TRPC6: variants seen among roughly 807,000 people sequenced by gnomAD.
TRPC6 encodes the protein short transient receptor potential channel 6.
In TRPC6, 55 loss-of-function variants were observed where a neutral mutation model predicts 90.7. That is an observed-to-expected ratio of 0.61 (90% CI 0.49 to 0.76). The LOEUF (loss-of-function observed/expected upper bound fraction) is 0.76. TRPC6 is among the 30% of genes least tolerant of loss of function. TRPC6 has a pLI of 0.00. For missense variants in TRPC6, 989 were observed against 1,122.7 expected, an observed-to-expected ratio of 0.88 and a Z score of 1.70; for synonymous variants, 393 against 393.0, an observed-to-expected ratio of 1.00 and a Z score of 0.00.
At position 101,583,372 on chromosome 11, in the gene TRPC6, C is replaced by T. The variant is rs773971231; in HGVS notation, c.132G>A (p.Pro44=). The T allele has an allele frequency of 3.1e-6, 5 of 1,593,402 alleles. No individual in the cohort carries two copies. The Admixed American group carries it at 5.1e-5, about 16-fold the overall frequency. Residue 44 remains proline, a synonymous_variant, in exon 1 of 13, where the codon CCG becomes CCA. Transcript: ENST00000344327. The part of the protein sequence containing the change: ...MDSELGEDGC[P]QAPLPCYGYY... ...AGCCGTAGCAAGGCAGCGGGGCTTGCGGGCAGCCGTCTTCTCCCAGCTCCG... is the reference window on the plus strand; with the variant it reads ...AGCCGTAGCAAGGCAGCGGGGCTTGTGGGCAGCCGTCTTCTCCCAGCTCCG...
At chr11:101,519,806 A>C (rs1860611117) in intron 1 of TRPC6, 1 of 153,918 alleles carries the variant, frequency 6.5e-6, no homozygotes, top group Non-Finnish European at 1.5e-5. Context: ...AAGGCCTGGC[A>C]CAATCTGATC....
chr11:101,523,713 C>A lies in TRPC6; in HGVS notation c.171-18915G>T, dbSNP rs569951043. Among the ~76,000 whole-genome samples the A allele has an allele frequency of 3.9e-5, 6 of 152,262 alleles. No homozygotes were observed. In the South Asian group the frequency reaches 1.2e-3, roughly 32 times the overall value. On this transcript the variant is annotated intron_variant, in intron 1 of 12. Coordinates refer to ENST00000344327, the MANE Select transcript of TRPC6 (RefSeq NM_004621.6). ...TACAGCAAATTGAAAAAGACTAAAC[C>A]ATTTCAGTGGTTCTACATTTGAGAT...
At chr11:101,546,696 T>C (rs953163453) in intron 1 of TRPC6, among the ~76,000 whole-genome samples, 5 of 152,122 alleles carry the variant, frequency 3.3e-5, no homozygotes, top group African/African-American at 1.2e-4. Context: ...TGGGAAGCAG[T>C]GGATTTCAAA....
At chr11:101,543,745 A>G (rs567863825) in intron 1 of TRPC6, among the ~76,000 whole-genome samples, 2 of 152,334 alleles carry the variant, frequency 1.3e-5, no homozygotes, top group South Asian at 4.1e-4. Flanking sequence ...AAGATGGATT[A>G]AAGACTTAAA....
intron 1 of TRPC6, among the ~76,000 whole-genome samples, chr11:101,547,882 G>T (rs1301545590): frequency 6.6e-6 from 1 of 152,034 alleles, no homozygotes; most frequent in Non-Finnish European, 1.5e-5. Flanking sequence ...GAATCATATA[G>T]CCAACTAAGG....
intron 6 of TRPC6, among the ~76,000 whole-genome samples, chr11:101,475,872 A>G (rs188277635): frequency 6.6e-6 from 1 of 151,338 alleles, no homozygotes; most frequent in Non-Finnish European, 1.5e-5. Flanking sequence ...ACATGTGTGT[A>G]CATATACATA....
Position 101,471,372 on chromosome 11 carries a change from C to T in TRPC6, c.2220G>A (p.Val740=). Residue 740 remains valine (V), a synonymous_variant, in exon 9 of 13, where the codon GTG becomes GTA. Transcript: ENST00000344327. The part of the protein sequence containing the change: ...SFQEIEDDAD[V]EWKFARAKLW... ...GTTTGGCCCTTGCAAATTTCCACTC[C>T]ACATCAGCGTCATCCTATACAAATA... 1.9e-6 allele frequency: 3 copies of T among 1,613,796 alleles called. No homozygotes were observed. Among genetic ancestry groups the T allele is most frequent in the Non-Finnish European group, 2.5e-6 (3 of 1,179,798 alleles).
intron 1 of TRPC6, among the ~76,000 whole-genome samples, chr11:101,552,301 G>A (rs56039948): frequency 0.028 from 4,193 of 152,136 alleles, 82 homozygotes; most frequent in Middle Eastern, 0.075. Context: ...AGAAATCAAC[G>A]TAACCCATGT....
chr11:101,468,450 T>G (rs1859203522), intron 10 of TRPC6, among the ~76,000 whole-genome samples: 1 of 152,128 alleles, frequency 6.6e-6, no homozygotes, highest in Non-Finnish European at 1.5e-5. Flanking sequence ...AAAAAAATGG[T>G]CTCCCTCCTT....
intron 1 of TRPC6, among the ~76,000 whole-genome samples, chr11:101,538,196 T>C (rs1230253948): frequency 6.6e-6 from 1 of 152,226 alleles, no homozygotes; most frequent in Non-Finnish European, 1.5e-5. Flanking sequence ...ACCTCAGTTC[T>C]GTTACCTCCT....
chr11:101,562,712 G>A (rs559247885), intron 1 of TRPC6, among the ~76,000 whole-genome samples: 1 of 152,202 alleles, frequency 6.6e-6, no homozygotes, highest in Admixed American at 6.5e-5. Context: ...GACATTGAAA[G>A]TAAGTATAAA....
At position 101,491,733 on chromosome 11, in the gene TRPC6, G is replaced by T. The variant is rs1407502671; in HGVS notation, c.951C>A (p.Asp317Glu). The T allele has an allele frequency of 3.1e-6, 5 of 1,609,466 alleles. No homozygotes were observed. The highest frequency in any genetic ancestry group is 4.2e-6 in the Non-Finnish European group (5 of 1,177,612). The change falls in exon 3 of 13, where the codon GAC (aspartate) becomes GAA (glutamate). Residue 317 changes from aspartate to glutamate, a missense_variant. This residue lies in a region of TRPC6 where 486 missense variants were observed against 591.9 expected (regional missense o/e 0.82). Coordinates refer to ENST00000344327, the MANE Select transcript of TRPC6 (RefSeq NM_004621.6). ...LANIEKEFKN[D>E]YKKLSMQCKD... ...TGCACTGCATTGACAGTTTTTTGTA[G>T]TCATTCTAGGAAAAACAAAGCAAAA... is the stretch of plus-strand genomic sequence containing the variant.
At chr11:101,569,499 A>G (rs11224865) in intron 1 of TRPC6, among the ~76,000 whole-genome samples, 57,405 of 152,004 alleles carry the variant, frequency 0.38, 11,520 homozygotes, top group Non-Finnish European at 0.46. Context: ...ACTTGAACTC[A>G]GCTCTGGACC....
At chr11:101,559,954 G>T (rs1408364389) in intron 1 of TRPC6, among the ~76,000 whole-genome samples, 1 of 151,946 alleles carries the variant, frequency 6.6e-6, no homozygotes, top group Non-Finnish European at 1.5e-5. Flanking sequence ...TCCCTACAAA[G>T]GTTTTCTTAC....
rs766225128 is a variant in TRPC6, at chr11:101,558,210, CATGTATAT to C, written c.170+25116_170+25123del. 8.0e-3 allele frequency among the ~76,000 whole-genome samples: 913 copies of C among 113,532 alleles called. 73 individuals carry two copies. The highest frequency in any genetic ancestry group is 0.015 in the African/African-American group (387 of 25,224). The allele number at this position is 113,532 out of a possible 152,430, so 74.5% of individuals were successfully genotyped here. On this transcript the variant is annotated intron_variant, in intron 1 of 12. Coordinates refer to ENST00000344327, the MANE Select transcript of TRPC6 (RefSeq NM_004621.6). ...ACATACATATATATGTGTGTGTATACATGTATATATGTATACATGTATATGGGTATACA... is the reference window on the plus strand; with the variant it reads ...ACATACATATATATGTGTGTGTATACATGTATACATGTATATGGGTATACA...
At chr11:101,478,903 C>T (rs1393645260) in intron 5 of TRPC6, among the ~76,000 whole-genome samples, 3 of 152,096 alleles carry the variant, frequency 2.0e-5, no homozygotes, top group Non-Finnish European at 2.9e-5. Flanking sequence ...AACCCACCTG[C>T]GTGCTCATTA....
chr11:101,561,983 G>A (rs1412681455), intron 1 of TRPC6, among the ~76,000 whole-genome samples: 1 of 151,850 alleles, frequency 6.6e-6, no homozygotes, highest in African/African-American at 2.4e-5. Context: ...CTAACAAATT[G>A]CCTGGGGCAC....
chr11:101,485,539 A>G (rs1859659822), intron 4 of TRPC6, among the ~76,000 whole-genome samples: 1 of 151,846 alleles, frequency 6.6e-6, no homozygotes, highest in Admixed American at 6.6e-5. Flanking sequence ...GCAAGAATCC[A>G]TATCTTTCTC....
rs780939921 is a variant in TRPC6 at position 101,504,769 on chromosome 11, C to T, written c.200G>A (p.Arg67Gln). 19 of 1,608,368 alleles carry T rather than the reference C, an allele frequency of 1.2e-5. No homozygotes were observed. The Middle Eastern group carries it at 5.0e-4, about 42-fold the overall frequency. ...FRGSDNRLAH[R>Q]RQTVLREKGR... ...CTTCTCACGGAGAACTGTCTGCCGCCGGTGAGCCAGTCTGTTGTCAGATCC... is the reference window on the plus strand; with the variant it reads ...CTTCTCACGGAGAACTGTCTGCCGCTGGTGAGCCAGTCTGTTGTCAGATCC... The change falls in exon 2 of 13, where the codon CGG (arginine) becomes CAG (glutamine). Residue 67 changes from arginine (R) to glutamine (Q), a missense_variant. Arg to Gln is a conservative substitution (Grantham distance 43, BLOSUM62 1). This residue lies in a region of TRPC6 where 194 missense variants were observed against 136.5 expected (regional missense o/e 1.42). Coordinates refer to ENST00000344327, the MANE Select transcript of TRPC6 (RefSeq NM_004621.6).
Sources: allele counts gnomAD v4.1 joint callset (sites outside exome capture counted in the v4.1 genomes callset), GRCh38; gene constraint gnomAD v4.1.1; regional missense constraint gnomAD v4.1.1; transcripts MANE v1.5; gene names NCBI Gene and HGNC (gene_info 2026-07-23, HGNC 2026-07-21).